PLCXD3: variants seen among roughly 807,000 people sequenced by gnomAD.
PLCXD3 encodes the protein PI-PLC X domain-containing protein 3.
Under a neutral mutation model 25.5 loss-of-function variants are expected in PLCXD3, and 19 were observed. The observed-to-expected ratio is 0.75, with a 90% CI of 0.52 to 1.09. The LOEUF (loss-of-function observed/expected upper bound fraction) is 1.09. Ranked by LOEUF, PLCXD3 falls within the 50% of genes least tolerant of loss-of-function variation. The pLI is 0.00. For synonymous variants in PLCXD3, 174 were observed against 137.6 expected, an observed-to-expected ratio of 1.26 and a Z score of -1.85; for missense variants, 411 against 388.1, an observed-to-expected ratio of 1.06 and a Z score of -0.50.
At chr5:41,488,683 T>C (rs1283725920) in intron 1 of PLCXD3, among the ~76,000 whole-genome samples, 9 of 147,080 alleles carry the variant, frequency 6.1e-5, no homozygotes, top group African/African-American at 1.8e-4. Context: ...TGGCCAGTGA[T>C]GGTGAGCATT....
At chr5:41,437,235 G>T (rs1187069210) in intron 1 of PLCXD3, among the ~76,000 whole-genome samples, 4 of 152,208 alleles carry the variant, frequency 2.6e-5, no homozygotes, top group African/African-American at 9.7e-5. Flanking sequence ...AAACAACAGA[G>T]AGATGGAATA....
At chr5:41,423,899 C>G (rs1484383722) in intron 1 of PLCXD3, among the ~76,000 whole-genome samples, 2 of 152,108 alleles carry the variant, frequency 1.3e-5, no homozygotes, top group Non-Finnish European at 2.9e-5. Flanking sequence ...GAAATAATCA[C>G]AAACTAATTA....
intron 1 of PLCXD3, among the ~76,000 whole-genome samples, chr5:41,464,638 T>A (rs1321904453): frequency 6.6e-6 from 1 of 152,062 alleles, no homozygotes; most frequent in Non-Finnish European, 1.5e-5. Context: ...AAGCTGTTTC[T>A]GTTTTTCCTG....
chr5:41,372,335 C>T (rs1160430416), intron 2 of PLCXD3, among the ~76,000 whole-genome samples: 4 of 148,512 alleles, frequency 2.7e-5, no homozygotes, highest in Non-Finnish European at 5.9e-5. Context: ...CACACACACA[C>T]ACACACACAC....
At chr5:41,494,271 C>T (rs551963567) in intron 1 of PLCXD3, among the ~76,000 whole-genome samples, 2 of 151,960 alleles carry the variant, frequency 1.3e-5, no homozygotes, top group Non-Finnish European at 2.9e-5. Context: ...AAATTATGTA[C>T]CTAACTTACA....
intron 1 of PLCXD3, among the ~76,000 whole-genome samples, chr5:41,409,631 G>T (rs374154807): frequency 6.6e-6 from 1 of 152,058 alleles, no homozygotes; most frequent in Admixed American, 6.5e-5. Context: ...TTTGCTTGTT[G>T]TCTATCTCTC....
intron 2 of PLCXD3, among the ~76,000 whole-genome samples, chr5:41,332,379 CA>C (rs1488156259): frequency 2.6e-5 from 4 of 151,978 alleles, no homozygotes; most frequent in Non-Finnish European, 4.4e-5. Context: ...AAATGCAAAT[CA>C]AAACCACAAT....
chr5:41,442,321 C>T (rs318067), intron 1 of PLCXD3, among the ~76,000 whole-genome samples: 127,127 of 152,204 alleles, frequency 0.84, 53,500 homozygotes, highest in Middle Eastern at 0.93. Context: ...TCCAAATTCA[C>T]TGGACAGTTT....
Position 41,315,840 on chromosome 5 carries a change from C to A in PLCXD3, c.813-2070G>T, listed in dbSNP as rs1402407660. On this transcript the variant is annotated intron_variant, in intron 2 of 2. Transcript: ENST00000377801. ...ACCTAACTCAGCGGACGCCCAGTCACACAGGGAATATTTAAACCAGGCCTA... is the reference window on the plus strand; with the variant it reads ...ACCTAACTCAGCGGACGCCCAGTCAAACAGGGAATATTTAAACCAGGCCTA... 1.3e-5 allele frequency among the ~76,000 whole-genome samples: 2 copies of A among 152,196 alleles called. 1 individual carries two copies. Among genetic ancestry groups the A allele is most frequent in the Admixed American group, 1.3e-4 (2 of 15,274 alleles).
intron 1 of PLCXD3, among the ~76,000 whole-genome samples, chr5:41,448,418 C>T (rs569233819): frequency 2.6e-5 from 4 of 152,224 alleles, no homozygotes; most frequent in Non-Finnish European, 5.9e-5. Context: ...AAAAATGCCT[C>T]GGAAATTGGT....
Position 41,313,720 on chromosome 5 carries a change from C to G in PLCXD3, c.863G>C (p.Ser288Thr). 1 of 1,613,658 alleles carries G rather than the reference C, an allele frequency of 6.2e-7. No individual in the cohort carries two copies. The highest frequency in any genetic ancestry group is 8.5e-7 in the Non-Finnish European group (1 of 1,179,732). Residue 288 changes from serine (S) to threonine (T), a missense_variant, in exon 3 of 3, where the codon AGT (serine) becomes ACT (threonine). Physicochemically the swap from Ser to Thr is moderately conservative, Grantham distance 58. Coordinates refer to ENST00000377801, the MANE Select transcript of PLCXD3 (RefSeq NM_001005473.3). ...ATCGGCAGTGACAATATTGATGCCA[C>G]TCTCTCCTGGCTTCTGCGTGCGGAC... ...QWVRTQKPGE[S>T]GINIVTADFV...
chr5:41,404,851 C>A (rs1169641768), intron 1 of PLCXD3, among the ~76,000 whole-genome samples: 1 of 152,004 alleles, frequency 6.6e-6, no homozygotes, highest in Admixed American at 6.6e-5. Flanking sequence ...CCAAGAAGGC[C>A]CCAGTGTGCT....
chr5:41,372,969 G>A (rs183998081), intron 2 of PLCXD3, among the ~76,000 whole-genome samples: 163 of 152,236 alleles, frequency 1.1e-3, no homozygotes, highest in African/African-American at 3.8e-3. Context: ...AATTGAACCT[G>A]GGAGGCGGAG....
chr5:41,438,627 C>T (rs1364562894), intron 1 of PLCXD3, among the ~76,000 whole-genome samples: 1 of 152,140 alleles, frequency 6.6e-6, no homozygotes, highest in African/African-American at 2.4e-5. Context: ...CCTTTTCACC[C>T]AATAAACCCT....
intron 2 of PLCXD3, among the ~76,000 whole-genome samples, chr5:41,318,930 A>G (rs1360218937): frequency 6.6e-6 from 1 of 152,000 alleles, no homozygotes; most frequent in Non-Finnish European, 1.5e-5. Context: ...GAAACAAGCA[A>G]ACAAACAAAT....
Position 41,382,515 on chromosome 5 carries a change from G to A in PLCXD3, c.123C>T (p.Ser41=), listed in dbSNP as rs542392195. The change falls in exon 2 of 3, where the codon AGC becomes AGT. Residue 41 remains serine (S), a synonymous_variant. Coordinates refer to ENST00000377801, the MANE Select transcript of PLCXD3 (RefSeq NM_001005473.3). ...LAIPGSHDSF[S]FYIDEASPVG... ...CTGGAGAGGCTTCATCAATGTAGAA[G>A]CTGAAGGAATCATGAGACCCTAGGA... is the stretch of plus-strand genomic sequence containing the variant. The A allele has an allele frequency of 1.5e-5, 24 of 1,599,002 alleles. No individual in the cohort carries two copies. In the African/African-American group the frequency reaches 2.9e-4, roughly 20 times the overall value.
intron 1 of PLCXD3, among the ~76,000 whole-genome samples, chr5:41,467,375 C>A (rs1300250673): frequency 6.6e-6 from 1 of 152,088 alleles, no homozygotes; most frequent in Admixed American, 6.5e-5. Flanking sequence ...GTGTTCAAGT[C>A]CTTTGTCCAT....
At position 41,423,010 on chromosome 5, in the gene PLCXD3, A is replaced by T. The variant is rs680534; in HGVS notation, c.104-40476T>A. Among the ~76,000 whole-genome samples, 1,037 of 151,854 alleles carry T rather than the reference A, an allele frequency of 6.8e-3. 8 individuals are homozygous for T. Among genetic ancestry groups the T allele is most frequent in the African/African-American group, 0.019 (777 of 41,494 alleles). On this transcript the variant is annotated intron_variant, in intron 1 of 2. Transcript: ENST00000377801. ...ATTTTCTAAAAAGTATTAATTTTTT[A>T]AAAAAAATTATGAATGGGTGTTGAA... is the stretch of plus-strand genomic sequence containing the variant.
chr5:41,486,605 T>G (rs1325145633), intron 1 of PLCXD3, among the ~76,000 whole-genome samples: 1 of 152,110 alleles, frequency 6.6e-6, no homozygotes, highest in Non-Finnish European at 1.5e-5. Flanking sequence ...TTGAGAGTCT[T>G]CAACTGAGGT....
Sources: allele counts gnomAD v4.1 joint callset (sites outside exome capture counted in the v4.1 genomes callset), GRCh38; gene constraint gnomAD v4.1.1; transcripts MANE v1.5; gene names NCBI Gene and HGNC (gene_info 2026-07-23, HGNC 2026-07-21).